The following CAMTA1 variants were observed in gnomAD, a reference collection of about 807,000 sequenced individuals.
CAMTA1 encodes the protein calmodulin-binding transcription activator 1.
Under a neutral mutation model 170.9 loss-of-function variants are expected in CAMTA1, and 27 were observed. The ratio of observed to expected loss-of-function variants is 0.16; its 90% CI spans 0.12 to 0.22. The LOEUF is 0.22. CAMTA1 is among the 10% of genes least tolerant of loss of function. The pLI, the probability that CAMTA1 is intolerant of heterozygous loss-of-function variation, is 1.00. For synonymous variants in CAMTA1, 833 were observed against 891.5 expected (o/e 0.93, Z 1.17); for missense variants, 1,619 against 2,217.2 (o/e 0.73, Z 5.42).
At chr1:6,882,760 A>G (rs1671977832) in intron 3 of CAMTA1, among the ~76,000 whole-genome samples, 1 of 152,052 alleles carries the variant, frequency 6.6e-6, no homozygotes, top group South Asian at 2.1e-4. Context: ...GTAGGACTGG[A>G]TGAAATTTTT....
intron 3 of CAMTA1, among the ~76,000 whole-genome samples, chr1:6,846,150 T>C (rs1658034439): frequency 1.3e-5 from 2 of 152,234 alleles, no homozygotes; most frequent in South Asian, 4.1e-4. Flanking sequence ...AGGTGAGATT[T>C]GGGTGGGGAC....
intron 3 of CAMTA1, among the ~76,000 whole-genome samples, chr1:7,060,222 G>A (rs1259214094): frequency 7.9e-5 from 12 of 152,328 alleles, no homozygotes; most frequent in African/African-American, 2.9e-4. Flanking sequence ...TCACAGCCCT[G>A]GAGCCCAGAA....
At chr1:7,033,620 T>C (rs1344691491) in intron 3 of CAMTA1, among the ~76,000 whole-genome samples, 4 of 130,860 alleles carry the variant, frequency 3.1e-5, no homozygotes, top group Non-Finnish European at 6.2e-5. Context: ...TGATACAGAG[T>C]CTCACTCTGT....
chr1:6,874,107 CT>C (rs1217323412), intron 3 of CAMTA1: 1 of 152,200 alleles, frequency 6.6e-6, no homozygotes, highest in African/African-American at 2.4e-5. Context: ...CTCCCACTTG[CT>C]TTTTAGGGTT....
chr1:6,832,834 CATT>C (rs1364667799), intron 3 of CAMTA1, among the ~76,000 whole-genome samples: 3 of 152,174 alleles, frequency 2.0e-5, no homozygotes, highest in Non-Finnish European at 4.4e-5. Flanking sequence ...TTAAGAGTGA[CATT>C]ATGTGATTTT....
rs555008628 is a variant in CAMTA1, at chr1:7,682,091, G to A, written c.2914+4358G>A. 2.6e-5 allele frequency among the ~76,000 whole-genome samples: 4 copies of A among 152,198 alleles called. No individual in the cohort carries two copies. In the South Asian group the frequency reaches 8.3e-4, roughly 32 times the overall value. Reference sequence around the variant, plus strand: ...CAACTGAGCCTCCTTGCCTGGGTGAGAGGATTGGAGTGAGACCTGCGTGCA... The same window carrying A: ...CAACTGAGCCTCCTTGCCTGGGTGAAAGGATTGGAGTGAGACCTGCGTGCA... On this transcript the variant is annotated intron_variant, in intron 11 of 22. Transcript: ENST00000303635. The surrounding 1 kb of genome is among the most constrained non-coding windows in gnomAD (Gnocchi z 5.0).
At chr1:7,219,535 T>A (rs1377428263) in intron 4 of CAMTA1, 2 of 118,226 alleles carry the variant, frequency 1.7e-5, no homozygotes, top group Admixed American at 9.9e-5. Flanking sequence ...ACATTTGAAT[T>A]TTTTCTTAAA....
chr1:7,033,976 T>C (rs1420000121), intron 3 of CAMTA1, among the ~76,000 whole-genome samples: 1 of 152,172 alleles, frequency 6.6e-6, no homozygotes, highest in South Asian at 2.1e-4. Flanking sequence ...CATTTCGCTT[T>C]TATGCTTTTT....
chr1:7,337,347 T>C (rs2083450383), intron 5 of CAMTA1, among the ~76,000 whole-genome samples: 1 of 152,234 alleles, frequency 6.6e-6, no homozygotes, highest in African/African-American at 2.4e-5. Flanking sequence ...CATCTGTCAA[T>C]TTGACCCGGC....
rs527879170 is a variant in CAMTA1, at chr1:6,870,183, T to C, written c.234+44973T>C. ...GCTGAAATGGTCTAAATAATGATGC[T>C]ACTAAAACAACGTATGCATTGTTTT... On this transcript the variant is annotated intron_variant, in intron 3 of 22. Transcript: ENST00000303635. Among the ~76,000 whole-genome samples, 8 of 152,326 alleles carry C rather than the reference T, an allele frequency of 5.3e-5. No homozygotes were observed. In the South Asian group the frequency reaches 1.7e-3, roughly 32 times the overall value.
chr1:6,891,333 C>T (rs146092030), intron 3 of CAMTA1, among the ~76,000 whole-genome samples: 225 of 152,294 alleles, frequency 1.5e-3, no homozygotes, highest in African/African-American at 5.2e-3. Context: ...TCAAATTTGG[C>T]TTAAATGCCT....
rs765158318 is a variant in CAMTA1 at position 6,820,235 on chromosome 1, G to A, written c.100G>A (p.Val34Met). 13 of 1,613,822 alleles carry A rather than the reference G, an allele frequency of 8.1e-6. No homozygotes were observed. The highest frequency in any genetic ancestry group is 4.0e-5 in the African/African-American group (3 of 74,920). The change falls in exon 2 of 23, where the codon GTG (valine) becomes ATG (methionine). Residue 34 changes from valine to methionine, a missense_variant. Val to Met is a conservative substitution (Grantham distance 21). Transcript: ENST00000303635. The part of the protein sequence containing the change: ...GTSTYCVLNT[V>M]PPIEDDHGNS... Reference sequence around the variant, plus strand: ...TAGCACCTACTGTGTTCTCAACACCGTGCCACCTATAGAAGGTAGGATTTG... The same window carrying A: ...TAGCACCTACTGTGTTCTCAACACCATGCCACCTATAGAAGGTAGGATTTG...
intron 3 of CAMTA1, among the ~76,000 whole-genome samples, chr1:6,943,046 C>G (rs1395958285): frequency 6.6e-6 from 1 of 152,156 alleles, no homozygotes; most frequent in Non-Finnish European, 1.5e-5. Flanking sequence ...GTGCTGACCA[C>G]TCTGTAAGCA....
Position 7,766,586 on chromosome 1 carries a change from C to A in CAMTA1, c.*95C>A. 1 of 973,900 alleles carries A rather than the reference C, an allele frequency of 1.0e-6. No individual in the cohort carries two copies. Among genetic ancestry groups the A allele is most frequent in the Non-Finnish European group, 1.7e-6 (1 of 604,540 alleles). 60.3% of individuals were successfully genotyped at this position (973,900 alleles called of 1,614,324 possible). ...GAGACATGCAACAACAACACACACG[C>A]ACACACGCACACACACACACGTACA... On this transcript the variant is annotated 3_prime_UTR_variant, in exon 23 of 23. Coordinates refer to ENST00000303635, the MANE Select transcript of CAMTA1 (RefSeq NM_015215.4).
chr1:7,728,289 G>C (rs2096706083), intron 11 of CAMTA1, among the ~76,000 whole-genome samples: 1 of 152,268 alleles, frequency 6.6e-6, no homozygotes, highest in Non-Finnish European at 1.5e-5. Flanking sequence ...TGCTTGGCGG[G>C]GGGATGGGCA....
rs2096223015 is a variant in CAMTA1 at position 7,682,905 on chromosome 1, C to T, written c.2914+5172C>T. On this transcript the variant is annotated intron_variant, in intron 11 of 22. Coordinates refer to ENST00000303635, the MANE Select transcript of CAMTA1 (RefSeq NM_015215.4). The surrounding 1 kb of genome is among the most constrained non-coding windows in gnomAD (Gnocchi z 5.0). The stretch of plus-strand genomic sequence containing the variant: ...ACACAGAGTTGGCTGGGTGCGGTGG[C>T]TCACGCCTGTGATCCCAGCACTTTG... Among the ~76,000 whole-genome samples, 1 of 152,228 alleles carries T rather than the reference C, an allele frequency of 6.6e-6. No homozygotes were observed. The highest frequency in any genetic ancestry group is 1.5e-5 in the Non-Finnish European group (1 of 68,040).
At position 7,113,494 on chromosome 1, in the gene CAMTA1, T is replaced by C. The variant is rs1644184913; in HGVS notation, c.302+22123T>C. On this transcript the variant is annotated intron_variant, in intron 4 of 22. Transcript: ENST00000303635. This position sits in a 1 kb window ranked among gnomAD's most constrained non-coding sequence, Gnocchi z 4.5. ...GTGGCTCCCGGTCAGTGTCTAGGAATGGAGAGGGAGGAAGGAGGGTCTCGG... is the reference window on the plus strand; with the variant it reads ...GTGGCTCCCGGTCAGTGTCTAGGAACGGAGAGGGAGGAAGGAGGGTCTCGG... Among the ~76,000 whole-genome samples, 1 of 152,050 alleles carries C rather than the reference T, an allele frequency of 6.6e-6. No individual in the cohort carries two copies. The highest frequency in any genetic ancestry group is 2.4e-5 in the African/African-American group (1 of 41,370).
intron 6 of CAMTA1, among the ~76,000 whole-genome samples, chr1:7,474,936 G>C (rs72642870): frequency 1.3e-5 from 2 of 152,146 alleles, no homozygotes; most frequent in Non-Finnish European, 2.9e-5. Flanking sequence ...CTGTGAGCTC[G>C]GTCATGGAAG....
rs12062306 is a variant in CAMTA1, at chr1:7,682,774, C to T, written c.2914+5041C>T. Among the ~76,000 whole-genome samples the T allele has an allele frequency of 0.015, 2,240 of 152,334 alleles. 53 individuals carry two copies. The highest frequency in any genetic ancestry group is 0.05 in the African/African-American group (2,064 of 41,576). On this transcript the variant is annotated intron_variant, in intron 11 of 22. Coordinates refer to ENST00000303635, the MANE Select transcript of CAMTA1 (RefSeq NM_015215.4). This position sits in a 1 kb window ranked among gnomAD's most constrained non-coding sequence, Gnocchi z 5.0. ...TTCTGCTGAGTGGGCCTGGGCCGGCCGCTCCTAGGCTGGCTCCCTCCCTCA... is the reference window on the plus strand; with the variant it reads ...TTCTGCTGAGTGGGCCTGGGCCGGCTGCTCCTAGGCTGGCTCCCTCCCTCA...
Sources: allele counts gnomAD v4.1 joint callset (sites outside exome capture counted in the v4.1 genomes callset), GRCh38; gene constraint gnomAD v4.1.1; non-coding constraint Gnocchi (gnomAD v3.1); transcripts MANE v1.5; gene names NCBI Gene and HGNC (gene_info 2026-07-23, HGNC 2026-07-21).